Variants in TBC1D19 observed in about 807,000 individuals in gnomAD.
The protein encoded by TBC1D19 is TBC1 domain family member 19, also known as TBC1 domain family, member 19.
In TBC1D19, 60 loss-of-function variants were observed where a neutral mutation model predicts 89.0. That is an observed-to-expected ratio of 0.67 (90% confidence interval 0.55 to 0.84). TBC1D19 has a LOEUF of 0.84. Ranked by LOEUF, TBC1D19 falls within the 40% of genes least tolerant of loss-of-function variation. The pLI is 0.00. For synonymous variants in TBC1D19, 189 were observed against 199.7 expected (o/e 0.95, Z 0.45); for missense variants, 500 against 610.8 (o/e 0.82, Z 1.91).
chr4:26,768,519 G>A, the TBC1D19 span, among the ~76,000 whole-genome samples: 1 of 152,020 alleles, frequency 6.6e-6, no homozygotes, highest in South Asian at 2.1e-4. Context: ...AAATCAAAAG[G>A]GACTGTAAAT....
the TBC1D19 span, among the ~76,000 whole-genome samples, chr4:26,769,622 A>G: frequency 6.6e-6 from 1 of 151,660 alleles, no homozygotes; most frequent in Non-Finnish European, 1.5e-5. Context: ...AGCTCACTGC[A>G]GCTTCAACCT....
chr4:26,604,276 C>T (rs950093826), intron 1 of TBC1D19, among the ~76,000 whole-genome samples: 1 of 150,826 alleles, frequency 6.6e-6, no homozygotes, highest in Non-Finnish European at 1.5e-5. Context: ...GCCTCAGCCT[C>T]CCGAGTACTG....
intron 4 of TBC1D19, among the ~76,000 whole-genome samples, chr4:26,626,876 ATTTTTTAT>A (rs1345815482): frequency 1.7e-4 from 24 of 137,500 alleles, no homozygotes; most frequent in African/African-American, 5.8e-4. Flanking sequence ...TATTTATTTT[ATTTTTTAT>A]TTTTTTATTT....
chr4:26,773,239 G>A, the TBC1D19 span, among the ~76,000 whole-genome samples: 2 of 152,134 alleles, frequency 1.3e-5, no homozygotes, highest in African/African-American at 4.8e-5. Flanking sequence ...TATTTCATAT[G>A]TTTGTTTGCC....
At chr4:26,644,483 A>C (rs1207854486) in intron 7 of TBC1D19, among the ~76,000 whole-genome samples, 1 of 152,186 alleles carries the variant, frequency 6.6e-6, no homozygotes, top group African/African-American at 2.4e-5. Flanking sequence ...ATGGGCAAAA[A>C]CTGGAAGCAT....
At chr4:26,606,408 C>CA (rs1741005232) in intron 1 of TBC1D19, among the ~76,000 whole-genome samples, 2 of 152,114 alleles carry the variant, frequency 1.3e-5, no homozygotes, top group Admixed American at 1.3e-4. Context: ...TAGCTATCTT[C>CA]AAATAGGAAG....
the TBC1D19 span, among the ~76,000 whole-genome samples, chr4:26,788,527 G>C: frequency 6.6e-6 from 1 of 152,290 alleles, no homozygotes; most frequent in East Asian, 1.9e-4. Context: ...CACAGAGCAT[G>C]ATTCAGTGAT....
downstream of TBC1D19, among the ~76,000 whole-genome samples, chr4:26,757,912 G>A (rs922910748): frequency 6.6e-6 from 1 of 152,178 alleles, no homozygotes; most frequent in Non-Finnish European, 1.5e-5. Context: ...GCTGGGCTCT[G>A]TAGCATAACA....
Position 26,683,747 on chromosome 4 carries a change from AAAGT to A in TBC1D19, c.891+5_891+8del. Reference sequence around the variant, plus strand: ...CCTTTTGGTGGACAGTCTAATCTATAAAGTAAGTAAAAGTCAGCTTAGTTTTTCC... The same window carrying A: ...CCTTTTGGTGGACAGTCTAATCTATAAAGTAAAAGTCAGCTTAGTTTTTCC... On this transcript the variant is annotated splice_donor_variant and coding_sequence_variant, in exon 12 of 21. Coordinates refer to ENST00000264866, the MANE Select transcript of TBC1D19 (RefSeq NM_018317.4). LOFTEE classifies it high-confidence loss of function. The A allele has an allele frequency of 6.2e-7, 1 of 1,605,974 alleles. No individual in the cohort carries two copies. Among genetic ancestry groups the A allele is most frequent in the Non-Finnish European group, 8.5e-7 (1 of 1,177,584 alleles).
the TBC1D19 span, among the ~76,000 whole-genome samples, chr4:26,842,010 G>C: frequency 6.6e-6 from 1 of 152,218 alleles, no homozygotes; most frequent in African/African-American, 2.4e-5. Context: ...GAGAAAGAGA[G>C]ATCTTGGAGG....
chr4:26,852,584 T>C, the TBC1D19 span, among the ~76,000 whole-genome samples: 7 of 152,044 alleles, frequency 4.6e-5, no homozygotes, highest in African/African-American at 1.7e-4. Flanking sequence ...TCAATCCTGT[T>C]GATTCTACCT....
chr4:26,856,189 C>CT, the TBC1D19 span, among the ~76,000 whole-genome samples: 1 of 51,660 alleles, frequency 1.9e-5, no homozygotes, highest in East Asian at 5.7e-4. Context: ...ATGAGATGAA[C>CT]TTTTTTTTAG....
At chr4:26,645,164 C>T (rs933715120) in intron 7 of TBC1D19, among the ~76,000 whole-genome samples, 1 of 152,178 alleles carries the variant, frequency 6.6e-6, no homozygotes, top group African/African-American at 2.4e-5. Context: ...CTTTAAAGTT[C>T]ATATGGAACC....
the TBC1D19 span, among the ~76,000 whole-genome samples, chr4:26,830,642 T>C: frequency 6.6e-6 from 1 of 152,192 alleles, no homozygotes; most frequent in Non-Finnish European, 1.5e-5. Flanking sequence ...GGTTTCTGCC[T>C]ATGATTACAA....
In TBC1D19 at chr4:26,721,382, C is replaced by T. The variant is rs780243931; in HGVS notation, c.1084+1257C>T. Among the ~76,000 whole-genome samples, 3 of 151,982 alleles carry T rather than the reference C, an allele frequency of 2.0e-5. 1 individual carries two copies. The highest frequency in any genetic ancestry group is 4.4e-5 in the Non-Finnish European group (3 of 67,972). On this transcript the variant is annotated intron_variant, in intron 15 of 20. Coordinates refer to ENST00000264866, the MANE Select transcript of TBC1D19 (RefSeq NM_018317.4). ...AAGGCCATCCTAGATTTCTCTCCAC[C>T]TTGTCCCCAACTCATCTAATAAGTC... is the stretch of plus-strand genomic sequence containing the variant.
intron 1 of TBC1D19, among the ~76,000 whole-genome samples, chr4:26,599,030 G>T (rs1712927602): frequency 6.6e-6 from 1 of 151,976 alleles, no homozygotes; most frequent in South Asian, 2.1e-4. Context: ...AAAGTATTTG[G>T]CTGGTTCTTA....
intron 11 of TBC1D19, among the ~76,000 whole-genome samples, chr4:26,679,958 T>G (rs1713185830): frequency 6.6e-6 from 1 of 152,232 alleles, no homozygotes; most frequent in African/African-American, 2.4e-5. Context: ...AATCCCCACA[T>G]GTCATGGATG....
chr4:26,597,561 C>T (rs1471406566), intron 1 of TBC1D19, among the ~76,000 whole-genome samples: 1 of 132,790 alleles, frequency 7.5e-6, no homozygotes, highest in African/African-American at 2.8e-5. Context: ...GACGGGGTTT[C>T]ACCATGTTGG....
the TBC1D19 span, among the ~76,000 whole-genome samples, chr4:26,762,084 C>T: frequency 1.2e-3 from 181 of 152,128 alleles, 5 homozygotes; most frequent in South Asian, 0.036. Context: ...TGCAGTGAGC[C>T]GAGGTTGCAC....
Sources: allele counts gnomAD v4.1 joint callset (sites outside exome capture counted in the v4.1 genomes callset), GRCh38; gene constraint gnomAD v4.1.1; transcripts MANE v1.5; gene names NCBI Gene and HGNC (gene_info 2026-07-23, HGNC 2026-07-21).